The following TPR variants were observed in gnomAD, a reference collection of about 807,000 sequenced individuals.
TPR encodes the protein translocated promoter region, nuclear basket protein.
In TPR, 51 loss-of-function variants were observed where a neutral mutation model predicts 316.1. The observed-to-expected ratio is 0.16, with a 90% CI of 0.13 to 0.20. The LOEUF (loss-of-function observed/expected upper bound fraction) is 0.20, where lower values mean the gene tolerates loss of function less well. TPR is among the 10% of genes least tolerant of loss of function. The probability of loss-of-function intolerance (pLI) is 1.00; values close to 1 mark genes in which losing one functional copy is unlikely to be tolerated. For missense variants in TPR, 2,272 were observed against 2,754.8 expected (o/e 0.82, Z 3.92); for synonymous variants, 981 against 914.7 (o/e 1.07, Z -1.31).
intron 17 of TPR, 151 bp from the exon 18 acceptor site, chr1:186,354,001 G>C: frequency 1.7e-6 from 1 of 600,656 alleles, no homozygotes; most frequent in Non-Finnish European, 2.7e-6. Context: ...TTTCTGTTAA[G>C]TTGAATTCTG....
chr1:186,343,526 A>G, intron 26 of TPR, 53 bp from the exon 27 acceptor site: 1 of 1,547,122 alleles, frequency 6.5e-7, no homozygotes, highest in Non-Finnish European at 8.8e-7. Context: ...AGCCAACATT[A>G]CAAAACGTAG....
intron 23 of TPR, 151 bp downstream of exon 23, chr1:186,345,984 G>GTACA: frequency 1.3e-6 from 1 of 794,974 alleles, no homozygotes; most frequent in South Asian, 2.1e-5. Flanking sequence ...GTATATAGAG[G>GTACA]TACAGAAAAG....
chr1:186,346,386 T>C, intron 22 of TPR, 99 bp from the exon 23 acceptor site: 1 of 1,218,058 alleles, frequency 8.2e-7, no homozygotes, highest in Non-Finnish European at 1.1e-6. Context: ...AGTAATAAAA[T>C]TAATGTTTGT....
chr1:186,335,279 T>G, intron 34 of TPR, 59 bp downstream of exon 34: 1 of 1,594,130 alleles, frequency 6.3e-7, no homozygotes, highest in East Asian at 2.2e-5. Context: ...CACCAAGCAC[T>G]TTCAAGTAAA....
At chr1:186,333,421 T>C (rs1378233467) in intron 36 of TPR, 27 bp from the exon 37 acceptor site, 11 of 1,605,646 alleles carry the variant, frequency 6.9e-6, no homozygotes, top group African/African-American at 4.0e-5. Context: ...ATGCTGAATA[T>C]AAGCCTTCTA....
chr1:186,343,683 T>A (rs543328546), intron 26 of TPR, among the ~76,000 whole-genome samples: 45 of 152,334 alleles, frequency 3.0e-4, no homozygotes, highest in Non-Finnish European at 4.9e-4. Context: ...CTGAAAGGCA[T>A]TTAGTTTTTC....
chr1:186,323,771 G>A lies in TPR; in HGVS notation c.6212C>T (p.Pro2071Leu). 1 of 1,541,650 alleles carries A rather than the reference G, an allele frequency of 6.5e-7. No individual in the cohort carries two copies. The highest frequency in any genetic ancestry group is 1.3e-5 in the South Asian group (1 of 79,074). ...SASERQAPRA[P>L]QSPRRPPHPL... ...ATGTGGTGGGCGTCTCGGTGACTGA[G>A]GTGCTCGAGGGGCCTGTCTTTCAGA... Residue 2071 changes from proline (P) to leucine (L), a missense_variant, in exon 43 of 51, where the codon CCT (proline) becomes CTT (leucine). By Grantham distance (98) the Pro-to-Leu change is moderately conservative. This residue lies in a region of TPR where 435 missense variants were observed against 461.1 expected (regional missense o/e 0.94). Transcript: ENST00000367478.
In TPR at chr1:186,358,566, G is replaced by T. The variant is rs753574339; in HGVS notation, c.1474C>A (p.Gln492Lys). 3.1e-6 allele frequency: 5 copies of T among 1,610,286 alleles called. No homozygotes were observed. The highest frequency in any genetic ancestry group is 8.5e-7 in the Non-Finnish European group (1 of 1,178,608). The change falls in exon 13 of 51, where the codon CAA becomes AAA. Residue 492 changes from glutamine to lysine, a missense_variant. Physicochemically the swap from Gln to Lys is moderately conservative, Grantham distance 53 (BLOSUM62 1). Coordinates refer to ENST00000367478, the MANE Select transcript of TPR (RefSeq NM_003292.3). ...ACCTGTTGTGAAAGATCTTTTACTT[G>T]TATTTCCATTCTTCGATTATCTCTC... ...LERDNRRMEIQVKDLSQQIRV... is the reference protein window; with the variant it reads ...LERDNRRMEIKVKDLSQQIRV...
chr1:186,326,300 A>C, intron 40 of TPR, 65 bp from the exon 41 acceptor site: 2 of 1,539,930 alleles, frequency 1.3e-6, no homozygotes, highest in Non-Finnish European at 1.7e-6. Flanking sequence ...CTGCATGTCT[A>C]GATACCACAC....
At chr1:186,351,842 A>T (rs887637241) in intron 19 of TPR, 134 bp downstream of exon 19, 3 of 1,004,122 alleles carry the variant, frequency 3.0e-6, no homozygotes. Context: ...GTCTTAATAA[A>T]CTGCAAAATT....
intron 39 of TPR, among the ~76,000 whole-genome samples, chr1:186,327,986 T>C (rs537198644): frequency 7.4e-4 from 112 of 152,244 alleles, no homozygotes; most frequent in South Asian, 2.9e-3. Context: ...GGTTTCACCA[T>C]GTTGGCCAGG....
At chr1:186,363,469 AAAT>A (rs1659251634) in intron 4 of TPR, 24 bp from the exon 5 acceptor site, 2 of 1,477,472 alleles carry the variant, frequency 1.4e-6, no homozygotes, top group Non-Finnish European at 1.9e-6. Flanking sequence ...GAGAATTAAA[AAAT>A]AATAACTAAT....
rs753689970 is a variant in TPR, at chr1:186,341,401, A to G, written c.3751-12T>C. On this transcript the variant is annotated splice_polypyrimidine_tract_variant and intron_variant, in intron 27 of 50. Transcript: ENST00000367478. ...GTTTTTGCAGTTACCTAAACATTTC[A>G]AATAAATATACATACCAACATCTAA... 6 of 1,609,482 alleles carry G rather than the reference A, an allele frequency of 3.7e-6. No homozygotes were observed. The Admixed American group carries it at 5.0e-5, about 13-fold the overall frequency.
intron 4 of TPR, among the ~76,000 whole-genome samples, chr1:186,365,883 G>C (rs1659328692): frequency 6.6e-6 from 1 of 152,216 alleles, no homozygotes; most frequent in South Asian, 2.1e-4. Context: ...CACCATATCA[G>C]ATAAATTAAC....
chr1:186,344,223 C>T (rs1658607068), intron 25 of TPR, 133 bp from the exon 26 acceptor site: 1 of 1,367,934 alleles, frequency 7.3e-7, no homozygotes, highest in Non-Finnish European at 9.8e-7. Context: ...TTGCTTGAAC[C>T]CAGCAGGTGG....
At chr1:186,314,127 G>A in intron 50 of TPR, 101 bp from the exon 51 acceptor site, 1 of 1,133,622 alleles carries the variant, frequency 8.8e-7, no homozygotes, top group African/African-American at 1.6e-5. Flanking sequence ...TAGGCATTGT[G>A]GATATAAAAC....
At position 186,327,021 on chromosome 1, in the gene TPR, TA is replaced by T. The variant is rs545895455; in HGVS notation, c.5889+438del. Reference sequence around the variant, plus strand: ...TAATATATTAAATATATAATATATATATTATATATATAAATATATATAAATA... The same window carrying T: ...TAATATATTAAATATATAATATATATTTATATATATAAATATATATAAATA... On this transcript the variant is annotated intron_variant, in intron 40 of 50. Coordinates refer to ENST00000367478, the MANE Select transcript of TPR (RefSeq NM_003292.3). 1.7e-3 allele frequency among the ~76,000 whole-genome samples: 124 copies of T among 74,140 alleles called. 11 individuals carry two copies. Among genetic ancestry groups the T allele is most frequent in the African/African-American group, 6.4e-3 (117 of 18,204 alleles). 48.6% of individuals were successfully genotyped at this position (74,140 alleles called of 152,430 possible).
At chr1:186,335,669 A>C in intron 33 of TPR, 126 bp from the exon 34 acceptor site, 1 of 613,832 alleles carries the variant, frequency 1.6e-6, no homozygotes, top group East Asian at 3.0e-5. Flanking sequence ...GTTATGATAC[A>C]TCATACATCT....
At chr1:186,361,085 T>C (rs1350941037) in intron 9 of TPR, among the ~76,000 whole-genome samples, 180 bp from the exon 10 acceptor site, 1 of 152,070 alleles carries the variant, frequency 6.6e-6, no homozygotes, top group Non-Finnish European at 1.5e-5. Flanking sequence ...TGTCTTCGCC[T>C]GGTGTTTCTC....
Sources: allele counts gnomAD v4.1 joint callset (sites outside exome capture counted in the v4.1 genomes callset), GRCh38; gene constraint gnomAD v4.1.1; regional missense constraint gnomAD v4.1.1; transcripts MANE v1.5; gene names NCBI Gene and HGNC (gene_info 2026-07-23, HGNC 2026-07-21).